ITGA9: variants seen among roughly 807,000 people sequenced by gnomAD.
ITGA9 encodes the protein integrin subunit alpha 9.
In ITGA9, 56 loss-of-function variants were observed where a neutral mutation model predicts 127.8. The ratio of observed to expected loss-of-function variants is 0.44; its 90% CI spans 0.35 to 0.55. ITGA9 has a LOEUF of 0.55. ITGA9 is among the 20% of genes least tolerant of loss of function. ITGA9 has a pLI of 0.00. For missense variants in ITGA9, 1,196 were observed against 1,347.1 expected (o/e 0.89, Z 1.76); for synonymous variants, 508 against 514.5 (o/e 0.99, Z 0.17).
At chr3:37,811,658 T>C (rs1697370131) in intron 27 of ITGA9, among the ~76,000 whole-genome samples, 1 of 152,108 alleles carries the variant, frequency 6.6e-6, no homozygotes, top group Non-Finnish European at 1.5e-5. Flanking sequence ...AGAGACCATA[T>C]CCTCCCTCAC....
At chr3:37,667,748 A>G (rs954388098) in intron 17 of ITGA9, among the ~76,000 whole-genome samples, 1 of 152,236 alleles carries the variant, frequency 6.6e-6, no homozygotes, top group African/African-American at 2.4e-5. Context: ...TTTCTGGTGC[A>G]GAATAGGAAG....
chr3:37,473,310 C>A, intron 2 of ITGA9, 44 bp from the exon 3 acceptor site: 1 of 1,499,874 alleles, frequency 6.7e-7, no homozygotes, highest in Non-Finnish European at 9.3e-7. Context: ...GCCAGCAGAA[C>A]ATCACTCCTC....
intron 26 of ITGA9, among the ~76,000 whole-genome samples, chr3:37,785,508 G>A (rs1371004932): frequency 6.6e-6 from 1 of 152,082 alleles, no homozygotes; most frequent in East Asian, 1.9e-4. Context: ...AAGAGACAGG[G>A]TCTCACTCTG....
At chr3:37,525,166 T>C (rs960020417) in intron 12 of ITGA9, among the ~76,000 whole-genome samples, 1 of 152,174 alleles carries the variant, frequency 6.6e-6, no homozygotes, top group African/African-American at 2.4e-5. Context: ...GAGAAAGGCA[T>C]AGAACCACTG....
intron 1 of ITGA9, among the ~76,000 whole-genome samples, chr3:37,461,521 C>T (rs1698316497): frequency 6.6e-6 from 1 of 152,174 alleles, no homozygotes; most frequent in South Asian, 2.1e-4. Flanking sequence ...GTTACTTGAT[C>T]TGATTTATGA....
At chr3:37,726,701 C>T (rs1029359862) in intron 18 of ITGA9, among the ~76,000 whole-genome samples, 5 of 152,234 alleles carry the variant, frequency 3.3e-5, no homozygotes, top group African/African-American at 4.8e-5. Context: ...TGAGCTGCTT[C>T]TTGCAGCCCC....
rs1698209896 is a variant in ITGA9 at position 37,452,767 on chromosome 3, C to T, written c.185+208C>T. Among the ~76,000 whole-genome samples, 1 of 152,132 alleles carries T rather than the reference C, an allele frequency of 6.6e-6. No homozygotes were observed. Among genetic ancestry groups the T allele is most frequent in the Non-Finnish European group, 1.5e-5 (1 of 67,978 alleles). On this transcript the variant is annotated intron_variant, in intron 1 of 27. Coordinates refer to ENST00000264741, the MANE Select transcript of ITGA9 (RefSeq NM_002207.3). The surrounding 1 kb of genome is among the most constrained non-coding windows in gnomAD (Gnocchi z 7.3). ...GGCCCGCTAAGGTCGGGGTCGGCGCCTGGAGGCGGGCGGGGGCGTCCGGGT... is the reference window on the plus strand; with the variant it reads ...GGCCCGCTAAGGTCGGGGTCGGCGCTTGGAGGCGGGCGGGGGCGTCCGGGT...
intron 13 of ITGA9, among the ~76,000 whole-genome samples, chr3:37,528,026 CT>C (rs1211860724): frequency 6.6e-6 from 1 of 152,080 alleles, no homozygotes; most frequent in Admixed American, 6.5e-5. Flanking sequence ...ACCTCGTGAT[CT>C]GCCCACCTCA....
At chr3:37,697,620 A>G (rs1460781837) in intron 18 of ITGA9, among the ~76,000 whole-genome samples, 3 of 152,028 alleles carry the variant, frequency 2.0e-5, no homozygotes. Context: ...TTTGCTCAGA[A>G]TGATGGTTTC....
chr3:37,481,240 G>C (rs1209846675), intron 3 of ITGA9, among the ~76,000 whole-genome samples: 1 of 152,064 alleles, frequency 6.6e-6, no homozygotes, highest in African/African-American at 2.4e-5. Flanking sequence ...CCAATGCTCA[G>C]GACTAGCTAC....
At chr3:37,491,790 C>T (rs1698676533) in intron 4 of ITGA9, among the ~76,000 whole-genome samples, 1 of 152,166 alleles carries the variant, frequency 6.6e-6, no homozygotes, top group African/African-American at 2.4e-5. Context: ...ACCCTATGTA[C>T]ATACTCTTTG....
rs1164809859 is a variant in ITGA9, at chr3:37,597,607, G to A, written c.1690-31580G>A. ...TGCACCTGTCCGTAGTAAGTACTCA[G>A]TAAATGACTGGTGAATGAATGTGTT... On this transcript the variant is annotated intron_variant, in intron 15 of 27. Coordinates refer to ENST00000264741, the MANE Select transcript of ITGA9 (RefSeq NM_002207.3). The surrounding 1 kb of genome is among the most constrained non-coding windows in gnomAD (Gnocchi z 4.6). Among the ~76,000 whole-genome samples the A allele has an allele frequency of 2.6e-5, 4 of 152,198 alleles. No homozygotes were observed. The highest frequency in any genetic ancestry group is 2.4e-5 in the African/African-American group (1 of 41,444).
At chr3:37,580,465 G>A (rs1459085909) in intron 15 of ITGA9, among the ~76,000 whole-genome samples, 1 of 152,202 alleles carries the variant, frequency 6.6e-6, no homozygotes, top group Non-Finnish European at 1.5e-5. Context: ...AGTCTTGGGA[G>A]AGGTGATGTA....
At chr3:37,701,331 A>G (rs548256905) in intron 18 of ITGA9, among the ~76,000 whole-genome samples, 2 of 152,332 alleles carry the variant, frequency 1.3e-5, no homozygotes, top group African/African-American at 4.8e-5. Context: ...TAAGAATTCA[A>G]GTGTAAAGTA....
At chr3:37,598,245 G>T (rs2125619108) in intron 15 of ITGA9, among the ~76,000 whole-genome samples, 1 of 152,218 alleles carries the variant, frequency 6.6e-6, no homozygotes, top group South Asian at 2.1e-4. Context: ...AGATTAAAAA[G>T]AGCTCAAATG....
intron 23 of ITGA9, among the ~76,000 whole-genome samples, chr3:37,759,521 T>A (rs1201672855): frequency 6.6e-6 from 1 of 152,156 alleles, no homozygotes; most frequent in Non-Finnish European, 1.5e-5. Flanking sequence ...ATAATATTGA[T>A]GAATAAATTA....
At chr3:37,606,168 G>A (rs1411075774) in intron 15 of ITGA9, among the ~76,000 whole-genome samples, 2 of 152,098 alleles carry the variant, frequency 1.3e-5, no homozygotes, top group African/African-American at 4.8e-5. Context: ...TCATAGTATG[G>A]GTTATTTAGA....
At chr3:37,669,085 G>A (rs1575186578) in intron 17 of ITGA9, among the ~76,000 whole-genome samples, 2 of 152,222 alleles carry the variant, frequency 1.3e-5, no homozygotes, top group East Asian at 3.8e-4. Context: ...AGAACCTCTA[G>A]ATTTTATGAG....
At chr3:37,779,710 T>C (rs892471889) in intron 24 of ITGA9, among the ~76,000 whole-genome samples, 192 bp from the exon 25 acceptor site, 7 of 152,222 alleles carry the variant, frequency 4.6e-5, no homozygotes, top group Non-Finnish European at 1.0e-4. Flanking sequence ...AGGCATGCTC[T>C]GGTTCCCACT....
Sources: allele counts gnomAD v4.1 joint callset (sites outside exome capture counted in the v4.1 genomes callset), GRCh38; gene constraint gnomAD v4.1.1; non-coding constraint Gnocchi (gnomAD v3.1); transcripts MANE v1.5; gene names NCBI Gene and HGNC (gene_info 2026-07-23, HGNC 2026-07-21).